The following DNASE1 variants were observed in gnomAD, a reference collection of about 807,000 sequenced individuals.
DNASE1 encodes the protein deoxyribonuclease-1.
Under a neutral mutation model 33.9 loss-of-function variants are expected in DNASE1, and 40 were observed. The observed-to-expected ratio is 1.18, with a 90% CI of 0.92 to 1.54. DNASE1 has a LOEUF of 1.54. Ranked by LOEUF, DNASE1 falls within the 40% of genes most tolerant of loss-of-function variation. The pLI is 0.00. For synonymous variants in DNASE1, 216 were observed against 160.0 expected, an observed-to-expected ratio of 1.35 and a Z score of -2.64; for missense variants, 518 against 372.6, an observed-to-expected ratio of 1.39 and a Z score of -3.21.
At position 3,655,849 on chromosome 16, in the gene DNASE1, A is replaced by G; in HGVS notation, c.148A>G (p.Ile50Val). ...NATLVSYIVQ[I>V]LSRYDIALVQ... ...AGCACCACTGTGGCCCTGCCCCCAG[A>G]TCCTGAGCCGCTATGACATCGCCCT... The change falls in exon 3 of 9, where the codon ATC becomes GTC. Residue 50 changes from isoleucine to valine, a missense_variant and splice_region_variant. Physicochemically the swap from Ile to Val is conservative, Grantham distance 29. Transcript: ENST00000246949. 1 of 1,613,316 alleles carries G rather than the reference A, an allele frequency of 6.2e-7. No individual in the cohort carries two copies. Among genetic ancestry groups the G allele is most frequent in the Non-Finnish European group, 8.5e-7 (1 of 1,179,710 alleles).
At chr16:3,630,481 A>G (rs745363574) in intron 1 of DNASE1, among the ~76,000 whole-genome samples, 4 of 151,952 alleles carry the variant, frequency 2.6e-5, no homozygotes, top group Non-Finnish European at 5.9e-5. Context: ...GTTTCTGGCT[A>G]TTTCTCCCTT....
At chr16:3,655,606 G>C (rs1006629259) in intron 2 of DNASE1, 86 bp downstream of exon 2, 39 of 1,595,882 alleles carry the variant, frequency 2.4e-5, no homozygotes, top group Middle Eastern at 1.7e-4. Flanking sequence ...GGAGCCACAG[G>C]GTGTCGGGTG....
downstream of DNASE1, chr16:3,661,115 T>C (rs920473733): frequency 1.3e-5 from 2 of 151,876 alleles, no homozygotes; most frequent in Admixed American, 6.6e-5. Flanking sequence ...AGTTAGAAAA[T>C]GAAATTTTAA....
intron 1 of DNASE1, among the ~76,000 whole-genome samples, chr16:3,616,358 C>A (rs1334322117): frequency 1.3e-5 from 2 of 152,230 alleles, no homozygotes; most frequent in African/African-American, 4.8e-5. Flanking sequence ...CGGTGGCTCA[C>A]GCCTGTAATC....
chr16:3,626,785 T>G (rs751167253), intron 1 of DNASE1, among the ~76,000 whole-genome samples: 3 of 152,216 alleles, frequency 2.0e-5, no homozygotes, highest in Non-Finnish European at 4.4e-5. Flanking sequence ...TTTGAATCTC[T>G]TTTGTTAGAT....
chr16:3,615,832 C>T lies in DNASE1; in HGVS notation c.-1359+3826C>T, dbSNP rs76442200. Among the ~76,000 whole-genome samples the T allele has an allele frequency of 9.8e-5, 15 of 152,314 alleles. No homozygotes were observed. The East Asian group carries it at 2.9e-3, about 29-fold the overall frequency. On this transcript the variant is annotated intron_variant and NMD_transcript_variant, in intron 1 of 11. Coordinates refer to the DNASE1 transcript ENST00000570769. ...CCTTTTTGAAAGCTTCTGGCATCTT[C>T]CACTGAGTTCATGTTTTAAACAGTT...
exon 1 of DNASE1, chr16:3,642,987 TGAA>T (rs2042066558): frequency 6.5e-6 from 1 of 152,960 alleles, no homozygotes; most frequent in South Asian, 2.1e-4. Context: ...GGCCCCAGCT[TGAA>T]GGCCTGGAGA....
chr16:3,661,948 G>T (rs772442557), downstream of DNASE1: 17 of 1,555,786 alleles, frequency 1.1e-5, no homozygotes, highest in South Asian at 1.9e-4. Context: ...GGATTCTGGG[G>T]AATCCCACAG....
downstream of DNASE1, chr16:3,658,460 G>C (rs1015291201): frequency 6.9e-6 from 4 of 582,982 alleles, no homozygotes; most frequent in Admixed American, 9.1e-5. Flanking sequence ...GGGCACGGTG[G>C]CTCACGAGGT....
chr16:3,653,268 G>T (rs1345884115), upstream of DNASE1: 1 of 152,196 alleles, frequency 6.6e-6, no homozygotes, highest in Non-Finnish European at 1.5e-5. Flanking sequence ...GAGCCTCCAG[G>T]AGGCGCAAGG....
intron 1 of DNASE1, among the ~76,000 whole-genome samples, chr16:3,625,865 C>T (rs148412111): frequency 2.4e-4 from 37 of 152,006 alleles, no homozygotes; most frequent in Middle Eastern, 3.4e-3. Context: ...TTCAGGAGGC[C>T]GAGGCAGAAG....
intron 1 of DNASE1, among the ~76,000 whole-genome samples, chr16:3,621,637 G>C (rs1200550920): frequency 6.6e-6 from 1 of 152,106 alleles, no homozygotes; most frequent in Non-Finnish European, 1.5e-5. Context: ...TTAATGAACT[G>C]TCTTGGAGAT....
upstream of DNASE1, chr16:3,653,853 A>G (rs974993008): frequency 7.2e-6 from 1 of 139,516 alleles, no homozygotes; most frequent in Non-Finnish European, 1.5e-5. Flanking sequence ...TGAGCATGGT[A>G]GCATGCACCT....
rs8176924 is a variant in DNASE1 at position 3,657,800 on chromosome 16, G to A, written c.785G>A (p.Gly262Asp). 3 of 1,613,846 alleles carry A rather than the reference G, an allele frequency of 1.9e-6. No individual in the cohort carries two copies. Among genetic ancestry groups the A allele is most frequent in the Middle Eastern group, 1.6e-4 (1 of 6,062 alleles). Residue 262 changes from glycine to aspartate, a missense_variant, in exon 8 of 9, where the codon GGC (glycine) becomes GAC (aspartate). Gly to Asp is a moderately conservative substitution (Grantham distance 94, BLOSUM62 -1). Transcript: ENST00000246949. Reference protein sequence around the residue: ...ALPFNFQAAYGLSDQLAQAIS... With the variant: ...ALPFNFQAAYDLSDQLAQAIS... ...CCCTTTAACTTCCAGGCTGCCTATG[G>A]CCTGAGTGACCAACTGGTATGTGTC...
At chr16:3,657,377 C>T (rs1218676286) in intron 7 of DNASE1, 36 bp downstream of exon 7, 1 of 1,607,208 alleles carries the variant, frequency 6.2e-7, no homozygotes, top group African/African-American at 1.3e-5. Flanking sequence ...AGACTGAGGG[C>T]ACCTCCAAGG....
In DNASE1 at chr16:3,613,563, G is replaced by T. The variant is rs564835667; in HGVS notation, c.-1359+1557G>T. 4.7e-4 allele frequency among the ~76,000 whole-genome samples: 72 copies of T among 152,288 alleles called. 1 individual carries two copies. Among genetic ancestry groups the T allele is most frequent in the Non-Finnish European group, 7.9e-4 (54 of 68,024 alleles). The stretch of plus-strand genomic sequence containing the variant: ...TGAAGGATTTAGGAGGTGTTTACTT[G>T]CTCTCTGGCTTGGAAATCTAAGTTA... On this transcript the variant is annotated intron_variant and NMD_transcript_variant, in intron 1 of 11. Coordinates refer to the DNASE1 transcript ENST00000570769.
chr16:3,662,369 C>T (rs2043133179), downstream of DNASE1: 3 of 598,202 alleles, frequency 5.0e-6, no homozygotes, highest in East Asian at 5.6e-5. Context: ...CCGCTGCTGC[C>T]TCCAGGAGCT....
At chr16:3,655,576 G>C in intron 2 of DNASE1, 56 bp downstream of exon 2, 1 of 1,611,952 alleles carries the variant, frequency 6.2e-7, no homozygotes, top group East Asian at 2.2e-5. Flanking sequence ...TCTAGGGCTG[G>C]TGGGCAGGGC....
upstream of DNASE1, among the ~76,000 whole-genome samples, chr16:3,638,432 G>T (rs575214265): frequency 3.3e-5 from 5 of 152,202 alleles, no homozygotes; most frequent in Non-Finnish European, 7.4e-5. Context: ...CCGCCTCCAG[G>T]GTTCACGCCA....
Sources: allele counts gnomAD v4.1 joint callset (sites outside exome capture counted in the v4.1 genomes callset), GRCh38; gene constraint gnomAD v4.1.1; transcripts MANE v1.5; gene names NCBI Gene and HGNC (gene_info 2026-07-23, HGNC 2026-07-21).